The following PIGB variants were observed in gnomAD, a reference collection of about 807,000 sequenced individuals.
The protein encoded by PIGB is phosphatidylinositol glycan anchor biosynthesis class B, also known as GPI alpha-1,2-mannosyltransferase 3.
PIGB carries 58 observed loss-of-function variants against 68.4 expected under a neutral mutation model. The observed-to-expected ratio is 0.85, with a 90% CI of 0.69 to 1.06. The LOEUF is 1.06. Ranked by LOEUF, PIGB falls within the 50% of genes least tolerant of loss-of-function variation. The pLI is 0.00. For missense variants in PIGB, 634 were observed against 655.8 expected (o/e 0.97, Z 0.36); for synonymous variants, 219 against 220.5 (o/e 0.99, Z 0.06).
Position 55,340,829 on chromosome 15 carries a change from A to T in PIGB, c.1058+6A>T, listed in dbSNP as rs1171087856. The T allele has an allele frequency of 6.5e-7, 1 of 1,534,686 alleles. No homozygotes were observed. Among genetic ancestry groups the T allele is most frequent in the Non-Finnish European group, 8.8e-7 (1 of 1,131,166 alleles). On this transcript the variant is annotated splice_donor_region_variant and intron_variant, in intron 8 of 11. Coordinates refer to ENST00000164305, the MANE Select transcript of PIGB (RefSeq NM_004855.5). ...TGGACACTGCTTGTTTATAGGTAAG[A>T]TTTTATTTGTTCAAAAGGCTAAAAT...
At chr15:55,320,819 A>C (rs1378062763) in intron 2 of PIGB, among the ~76,000 whole-genome samples, 1 of 152,218 alleles carries the variant, frequency 6.6e-6, no homozygotes, top group East Asian at 1.9e-4. Context: ...ACATATTTTC[A>C]GTTTTCCGTA....
At position 55,321,327 on chromosome 15, in the gene PIGB, C is replaced by T; in HGVS notation, c.354C>T (p.Pro118=). ...WTERLRSYTY[P]LIFASIYKIL... ...AGAGACTGAGGAGTTACACTTATCC[C>T]TTAATCTTTGCAAGCATTTACAAGA... The change falls in exon 3 of 12, where the codon CCC becomes CCT. Residue 118 remains proline (P), a synonymous_variant. Coordinates refer to ENST00000164305, the MANE Select transcript of PIGB (RefSeq NM_004855.5). The T allele has an allele frequency of 1.2e-6, 2 of 1,607,226 alleles. No homozygotes were observed.
intron 10 of PIGB, 25 bp downstream of exon 10, chr15:55,350,937 G>C: frequency 1.6e-6 from 2 of 1,244,210 alleles, no homozygotes; most frequent in Middle Eastern, 2.5e-4. Context: ...TCCACTATAT[G>C]CTGTTAAGAA....
chr15:55,340,588 T>C lies in PIGB; in HGVS notation c.847-24T>C, dbSNP rs754079181. 1.3e-5 allele frequency: 20 copies of C among 1,534,286 alleles called. No homozygotes were observed. The Admixed American group carries it at 2.9e-4, about 23-fold the overall frequency. On this transcript the variant is annotated intron_variant, in intron 7 of 11. Coordinates refer to ENST00000164305, the MANE Select transcript of PIGB (RefSeq NM_004855.5). ...CTACTTGGCACTAACACATTTCTAT[T>C]TATTTTTCCTTCAACGGTGCCAGTG...
chr15:55,341,734 A>G lies in PIGB; in HGVS notation c.1059-4A>G. Reference sequence around the variant, plus strand: ...TTTTTTAATAATATTTGTTTTTATTACAGCATGTTGAGCCACAAAGAATTC... The same window carrying G: ...TTTTTTAATAATATTTGTTTTTATTGCAGCATGTTGAGCCACAAAGAATTC... On this transcript the variant is annotated splice_polypyrimidine_tract_variant and splice_region_variant and intron_variant, in intron 8 of 11. Transcript: ENST00000164305. 7.4e-7 allele frequency: 1 copy of G among 1,349,746 alleles called. No individual in the cohort carries two copies. The highest frequency in any genetic ancestry group is 1.0e-6 in the Non-Finnish European group (1 of 1,003,390). 83.6% of individuals were successfully genotyped at this position (1,349,746 alleles called of 1,614,324 possible).
At chr15:55,336,090 T>C (rs1160758449) in intron 6 of PIGB, among the ~76,000 whole-genome samples, 1 of 152,186 alleles carries the variant, frequency 6.6e-6, no homozygotes, top group Admixed American at 6.5e-5. Flanking sequence ...TACATCTTGA[T>C]AAACTCATTG....
intron 6 of PIGB, among the ~76,000 whole-genome samples, chr15:55,337,890 A>G (rs532448498): frequency 9.2e-5 from 14 of 152,326 alleles, no homozygotes; most frequent in African/African-American, 3.4e-4. Context: ...TCACAAGCAC[A>G]ATGACTAAAG....
At chr15:55,340,449 C>T (rs917563798) in intron 7 of PIGB, 163 bp from the exon 8 acceptor site, 29 of 407,564 alleles carry the variant, frequency 7.1e-5, no homozygotes, top group Non-Finnish European at 1.1e-4. Flanking sequence ...GAGCAAGACT[C>T]CATCTTAAAA....
intron 9 of PIGB, among the ~76,000 whole-genome samples, chr15:55,348,640 A>C (rs890753585): frequency 6.6e-6 from 1 of 152,030 alleles, no homozygotes; most frequent in Admixed American, 6.6e-5. Flanking sequence ...TCACCATGTG[A>C]TCTCTGCACA....
chr15:55,326,767 G>A (rs1039298700), intron 3 of PIGB, among the ~76,000 whole-genome samples: 1 of 152,190 alleles, frequency 6.6e-6, no homozygotes, highest in African/African-American at 2.4e-5. Context: ...AACCCGGGAG[G>A]CGGAGCTTGC....
In PIGB at chr15:55,319,412, G is replaced by C. The variant is rs963051022; in HGVS notation, c.162G>C (p.Gly54=). Residue 54 remains glycine, a splice_region_variant and synonymous_variant, in exon 1 of 12, where the codon GGG becomes GGC. Transcript: ENST00000164305. ...NTQEKSARRR[G]DLLGENIYLL... is the part of the protein sequence containing the mutation. ...AGGAGAAGAGCGCCAGGCGCCGCGGGGGTGAGTGAGGGGACACTGTCTGGA... is the reference window on the plus strand; with the variant it reads ...AGGAGAAGAGCGCCAGGCGCCGCGGCGGTGAGTGAGGGGACACTGTCTGGA... 5 of 1,551,390 alleles carry C rather than the reference G, an allele frequency of 3.2e-6. No individual in the cohort carries two copies. Among genetic ancestry groups the C allele is most frequent in the Non-Finnish European group, 4.4e-6 (5 of 1,146,852 alleles).
Position 55,355,279 on chromosome 15 carries a change from C to G in PIGB, c.1519-7C>G, listed in dbSNP as rs369915830. 18 of 1,596,568 alleles carry G rather than the reference C, an allele frequency of 1.1e-5. No homozygotes were observed. The East Asian group carries it at 2.7e-4, about 24-fold the overall frequency. ...CTTTATTTACTTAAACATTTATTTG[C>G]TTCTAGGAAATAAGCGCTTTCCTAA... On this transcript the variant is annotated splice_region_variant and splice_polypyrimidine_tract_variant and intron_variant, in intron 11 of 11. Coordinates refer to ENST00000164305, the MANE Select transcript of PIGB (RefSeq NM_004855.5).
chr15:55,343,730 T>C (rs963988284), intron 9 of PIGB, among the ~76,000 whole-genome samples: 2 of 152,152 alleles, frequency 1.3e-5, no homozygotes, highest in Non-Finnish European at 2.9e-5. Context: ...CTCTGTCTAC[T>C]TAGAAGGATC....
At chr15:55,354,191 T>A (rs2056009593) in intron 10 of PIGB, among the ~76,000 whole-genome samples, 1 of 151,666 alleles carries the variant, frequency 6.6e-6, no homozygotes, top group South Asian at 2.1e-4. Context: ...GGCGGGCGCC[T>A]GTAATCCCAG....
In PIGB at chr15:55,320,408, C is replaced by G; in HGVS notation, c.297C>G (p.Phe99Leu). The change falls in exon 2 of 12, where the codon TTC becomes TTG. Residue 99 changes from phenylalanine (F) to leucine (L), a missense_variant and splice_region_variant. Phe to Leu is a conservative substitution (Grantham distance 22). Coordinates refer to ENST00000164305, the MANE Select transcript of PIGB (RefSeq NM_004855.5). Reference protein sequence around the residue: ...QSLEVSHHMVFNYGYLTWEWT... With the variant: ...QSLEVSHHMVLNYGYLTWEWT... The stretch of plus-strand genomic sequence containing the variant: ...TTGAAGTTTCACATCACATGGTTTT[C>G]AAATATCCTTTGTGGTTTCTTTTCC... 6.2e-7 allele frequency: 1 copy of G among 1,612,550 alleles called. No homozygotes were observed. The highest frequency in any genetic ancestry group is 1.3e-5 in the African/African-American group (1 of 74,892).
chr15:55,325,503 C>CTTTTTTTTTTTTTTTTTTTT (rs1190146403), intron 3 of PIGB, among the ~76,000 whole-genome samples: 1 of 152,040 alleles, frequency 6.6e-6, no homozygotes, highest in East Asian at 1.9e-4. Flanking sequence ...ATTAGCCTTT[C>CTTTTTTTTTTTTTTTTTTTT]TAACTATAAT....
chr15:55,338,328 A>T (rs2055584213), intron 6 of PIGB, among the ~76,000 whole-genome samples: 1 of 152,168 alleles, frequency 6.6e-6, no homozygotes, highest in Non-Finnish European at 1.5e-5. Flanking sequence ...GGGATGGGAT[A>T]TCACTTACAA....
In PIGB at chr15:55,322,926, C is replaced by T. The variant is rs116558618; in HGVS notation, c.417+1536C>T. Among the ~76,000 whole-genome samples the T allele has an allele frequency of 5.6e-3, 845 of 152,220 alleles. 9 individuals carry two copies. The highest frequency in any genetic ancestry group is 0.02 in the African/African-American group (814 of 41,508). Reference sequence around the variant, plus strand: ...ATCTCATCAATGACAGTTTATATCCCAGGAAGTAGGTCAGATTACAAATGA... The same window carrying T: ...ATCTCATCAATGACAGTTTATATCCTAGGAAGTAGGTCAGATTACAAATGA... On this transcript the variant is annotated intron_variant, in intron 3 of 11. Transcript: ENST00000164305.
Position 55,325,623 on chromosome 15 carries a change from A to T in PIGB, c.418-1908A>T, listed in dbSNP as rs142845124. Among the ~76,000 whole-genome samples, 349 of 152,252 alleles carry T rather than the reference A, an allele frequency of 2.3e-3. 1 individual carries two copies. Among genetic ancestry groups the T allele is most frequent in the African/African-American group, 7.9e-3 (329 of 41,540 alleles). ...TGCAGAATATTTGTGCTTTTTTAAA[A>T]AGTAATTTGTTAGCCAGGTGCGGTG... On this transcript the variant is annotated intron_variant, in intron 3 of 11. Coordinates refer to ENST00000164305, the MANE Select transcript of PIGB (RefSeq NM_004855.5).
Sources: gnomAD v4.1 joint callset for allele counts (sites outside exome capture counted in the v4.1 genomes callset) on GRCh38, gnomAD v4.1.1 for gene constraint, MANE v1.5 for transcripts, NCBI Gene and HGNC (gene_info 2026-07-23, HGNC 2026-07-21) for gene names.